The following DENND2C variants were observed in gnomAD, a reference collection of about 807,000 sequenced individuals.
DENND2C encodes DENN domain-containing protein 2C.
Under a neutral mutation model 112.4 loss-of-function variants are expected in DENND2C, and 72 were observed. The ratio of observed to expected loss-of-function variants is 0.64; its 90% confidence interval spans 0.53 to 0.78. The LOEUF is 0.78. Ranked by LOEUF, DENND2C falls within the 30% of genes least tolerant of loss-of-function variation. The pLI, the probability that DENND2C is intolerant of heterozygous loss-of-function variation, is 0.00. For missense variants in DENND2C, 992 were observed against 1,113.8 expected, an observed-to-expected ratio of 0.89 and a Z score of 1.56; for synonymous variants, 329 against 381.6, an observed-to-expected ratio of 0.86 and a Z score of 1.61.
At position 114,645,831 on chromosome 1, in the gene DENND2C, C is replaced by A. The variant is rs577402946; in HGVS notation, c.-316-272G>T. ...GTAGATAGGAGAGCTTTACAGATAA[C>A]ACATTCTTTGTTTTGGGCAACATTA... On this transcript the variant is annotated intron_variant, in intron 2 of 20. Coordinates refer to ENST00000393274, the MANE Select transcript of DENND2C (RefSeq NM_001256404.2). Among the ~76,000 whole-genome samples the A allele has an allele frequency of 2.3e-3, 354 of 150,866 alleles. 1 individual carries two copies. Among genetic ancestry groups the A allele is most frequent in the Non-Finnish European group, 4.2e-3 (283 of 67,550 alleles).
At chr1:114,623,702 T>A (rs1656252073) in intron 4 of DENND2C, 59 bp from the exon 5 acceptor site, 12 of 1,248,286 alleles carry the variant, frequency 9.6e-6, no homozygotes, top group Admixed American at 3.5e-5. Context: ...CTTTATTTTT[T>A]AAAATTTTTA....
chr1:114,602,811 G>T (rs1262189684), intron 11 of DENND2C, among the ~76,000 whole-genome samples: 1 of 152,114 alleles, frequency 6.6e-6, no homozygotes, highest in Non-Finnish European at 1.5e-5. Context: ...TAATCCTTCT[G>T]TCTCAGCCTC....
Position 114,595,836 on chromosome 1 carries a change from T to C in DENND2C, c.2321A>G (p.Gln774Arg). 2 of 1,613,836 alleles carry C rather than the reference T, an allele frequency of 1.2e-6. No individual in the cohort carries two copies. The highest frequency in any genetic ancestry group is 1.7e-6 in the Non-Finnish European group (2 of 1,179,794). Residue 774 changes from glutamine (Q) to arginine (R), a missense_variant, in exon 17 of 21, where the codon CAG (glutamine) becomes CGG (arginine). Gln to Arg is a conservative substitution (Grantham distance 43). Around this residue, in one of 3 missense-constraint regions of DENND2C, gnomAD observed 516 missense variants for 623.6 expected, o/e 0.83. Transcript: ENST00000393274. ...ATTACCTCCTTTGGCACTCACCTCC[T>C]GTAAGAACTTGTCTGCACAGAGATC... is the stretch of plus-strand genomic sequence containing the variant. ...IVDLCADKFL[Q>R]EVSDEDEILP...
At position 114,604,925 on chromosome 1, in the gene DENND2C, T is replaced by C. The variant is rs1159468538; in HGVS notation, c.1664A>G (p.Lys555Arg). ...TCAGATAAATTAGCCCATTTACCTC[T>C]TGAGTTCTGAGGTTGGCATCCAGTC... ...SKDWMPTSEL[K>R]SETFSFVLTG... Residue 555 changes from lysine to arginine, a missense_variant, in exon 11 of 21, where the codon AAG becomes AGG. Lys to Arg is a conservative substitution (Grantham distance 26). Around this residue, in one of 3 missense-constraint regions of DENND2C, gnomAD observed 516 missense variants for 623.6 expected, o/e 0.83. Transcript: ENST00000393274. The C allele has an allele frequency of 6.2e-7, 1 of 1,607,968 alleles. No homozygotes were observed. Among genetic ancestry groups the C allele is most frequent in the Non-Finnish European group, 8.5e-7 (1 of 1,174,876 alleles).
At chr1:114,621,527 G>GA (rs556700694) in intron 7 of DENND2C, among the ~76,000 whole-genome samples, 315 of 152,246 alleles carry the variant, frequency 2.1e-3, no homozygotes, top group Non-Finnish European at 2.9e-3. Flanking sequence ...GCACAAAACT[G>GA]AACTCACTTT....
At position 114,585,534 on chromosome 1, in the gene DENND2C, A is replaced by AC; in HGVS notation, c.*65dup. On this transcript the variant is annotated 3_prime_UTR_variant, in exon 21 of 21. Transcript: ENST00000393274. ...TTGTAGAATACTTCATGGGATCCTG[A>AC]CCCTTAGAAAAATATTTTCTTTGGC... 1.9e-6 allele frequency: 3 copies of AC among 1,553,224 alleles called. No individual in the cohort carries two copies. Among genetic ancestry groups the AC allele is most frequent in the Non-Finnish European group, 2.7e-6 (3 of 1,127,534 alleles).
chr1:114,603,309 T>G (rs528617673), intron 11 of DENND2C, among the ~76,000 whole-genome samples: 1 of 151,630 alleles, frequency 6.6e-6, no homozygotes, highest in South Asian at 2.1e-4. Context: ...CCAGCTGATT[T>G]TTTATTTTTA....
intron 8 of DENND2C, among the ~76,000 whole-genome samples, chr1:114,615,624 T>C (rs114267898): frequency 0.026 from 4,010 of 152,318 alleles, 94 homozygotes; most frequent in Non-Finnish European, 0.034. Flanking sequence ...GTTTTAGTAA[T>C]TGCCTCTCAA....
chr1:114,615,152 T>C (rs1655929356), intron 8 of DENND2C, among the ~76,000 whole-genome samples: 1 of 152,216 alleles, frequency 6.6e-6, no homozygotes, highest in Non-Finnish European at 1.5e-5. Flanking sequence ...TATTTCCTTA[T>C]CTGTAAAATA....
intron 8 of DENND2C, among the ~76,000 whole-genome samples, chr1:114,613,599 C>T (rs1240696226): frequency 6.6e-6 from 1 of 151,940 alleles, no homozygotes. Context: ...TATCTATAGT[C>T]TTAGTACCAG....
intron 1 of DENND2C, among the ~76,000 whole-genome samples, chr1:114,657,436 C>T (rs1657365262): frequency 6.6e-6 from 1 of 152,062 alleles, no homozygotes; most frequent in Admixed American, 6.6e-5. Context: ...TAGGTAAGTC[C>T]TCATGTATCA....
At position 114,665,899 on chromosome 1, in the gene DENND2C, T is replaced by C. The variant is rs572283055; in HGVS notation, c.-574+4084A>G. ...TGCTCTTACGGCTTCAATTAACACT[T>C]ACTGGCTACCTCTGAAATCTGAATC... On this transcript the variant is annotated intron_variant, in intron 1 of 20. Coordinates refer to ENST00000393274, the MANE Select transcript of DENND2C (RefSeq NM_001256404.2). Among the ~76,000 whole-genome samples, 257 of 152,322 alleles carry C rather than the reference T, an allele frequency of 1.7e-3. 1 individual carries two copies. Among genetic ancestry groups the C allele is most frequent in the South Asian group, 7.3e-3 (35 of 4,826 alleles).
At position 114,601,645 on chromosome 1, in the gene DENND2C, A is replaced by G. The variant is rs920008207; in HGVS notation, c.1738-60T>C. On this transcript the variant is annotated intron_variant, in intron 12 of 20. Transcript: ENST00000393274. ...AGCCGCATACATTTTTATTAATACT[A>G]ATTTGGACTATTAATTATCTTTTAC... 4 of 1,421,662 alleles carry G rather than the reference A, an allele frequency of 2.8e-6. No homozygotes were observed. The African/African-American group carries it at 5.7e-5, about 20-fold the overall frequency. 88.1% of individuals were successfully genotyped at this position (1,421,662 alleles called of 1,614,324 possible). A position where few individuals can be genotyped will look rare whatever the true frequency, so the allele number is the denominator to read the frequency against.
chr1:114,589,530 C>CT (rs1026841998), intron 18 of DENND2C, among the ~76,000 whole-genome samples: 6 of 151,506 alleles, frequency 4.0e-5, no homozygotes, highest in Non-Finnish European at 8.8e-5. Flanking sequence ...TATCTTTTTT[C>CT]TTTTTTTTAA....
At chr1:114,632,070 A>AT (rs1398248646) in intron 3 of DENND2C, among the ~76,000 whole-genome samples, 15 of 152,100 alleles carry the variant, frequency 9.9e-5, no homozygotes, top group Admixed American at 3.3e-4. Context: ...ATAAAGTTGA[A>AT]TAAGTAGCAA....
At chr1:114,606,710 C>T (rs1023061601) in intron 10 of DENND2C, among the ~76,000 whole-genome samples, 1 of 152,196 alleles carries the variant, frequency 6.6e-6, no homozygotes, top group African/African-American at 2.4e-5. Flanking sequence ...TAATGTCACA[C>T]TCCCTCAGAC....
Position 114,602,188 on chromosome 1 carries a change from T to C in DENND2C, c.1674A>G (p.Thr558=), listed in dbSNP as rs1655531604. 1 of 1,613,446 alleles carries C rather than the reference T, an allele frequency of 6.2e-7. No homozygotes were observed. The highest frequency in any genetic ancestry group is 8.5e-7 in the Non-Finnish European group (1 of 1,179,688). Residue 558 remains threonine, a synonymous_variant, in exon 12 of 21, where the codon ACA becomes ACG. Transcript: ENST00000393274. ...CTTCACCAGTCAAGACAAAGGAGAA[T>C]GTTTCACTGAAAAAAGAGCCAATAG... ...WMPTSELKSE[T]FSFVLTGEDG... is the part of the protein sequence containing the mutation.
chr1:114,589,404 G>A (rs1655124508), intron 18 of DENND2C, among the ~76,000 whole-genome samples: 1 of 152,110 alleles, frequency 6.6e-6, no homozygotes, highest in Non-Finnish European at 1.5e-5. Flanking sequence ...GATTTCCAAG[G>A]TCTCTTTCTG....
intron 15 of DENND2C, among the ~76,000 whole-genome samples, 156 bp downstream of exon 15, chr1:114,600,048 C>T (rs934048713): frequency 2.6e-5 from 4 of 152,066 alleles, no homozygotes; most frequent in Non-Finnish European, 4.4e-5. Flanking sequence ...AGCACACCAA[C>T]ATGGCACATG....
Sources: allele counts gnomAD v4.1 joint callset (sites outside exome capture counted in the v4.1 genomes callset), GRCh38; gene constraint gnomAD v4.1.1; regional missense constraint gnomAD v4.1.1; transcripts MANE v1.5; gene names NCBI Gene and HGNC (gene_info 2026-07-23, HGNC 2026-07-21).